Variants in KIF13A observed in about 807,000 individuals in gnomAD.
KIF13A encodes the protein kinesin family member 13A, also known as kinesin-like protein KIF13A.
Under a neutral mutation model 212.2 loss-of-function variants are expected in KIF13A, and 79 were observed. The observed-to-expected ratio is 0.37, with a 90% CI of 0.31 to 0.45. The LOEUF (loss-of-function observed/expected upper bound fraction) is 0.45, where lower values mean the gene tolerates loss of function less well. KIF13A is among the 20% of genes least tolerant of loss of function. The pLI is 1.00. For missense variants in KIF13A, 1,901 were observed against 2,209.0 expected, an observed-to-expected ratio of 0.86 and a Z score of 2.79; for synonymous variants, 789 against 808.6, an observed-to-expected ratio of 0.98 and a Z score of 0.41.
intron 16 of KIF13A, among the ~76,000 whole-genome samples, chr6:17,819,614 C>G (rs1581411943): frequency 1.0e-5 from 1 of 99,802 alleles, no homozygotes; most frequent in Admixed American, 9.3e-5. Context: ...AACCAAAAAA[C>G]AAACAAAAAA....
chr6:17,888,621 C>T lies in KIF13A; in HGVS notation c.159+9547G>A, dbSNP rs947798524. On this transcript the variant is annotated intron_variant, in intron 3 of 38. Coordinates refer to ENST00000259711, the MANE Select transcript of KIF13A (RefSeq NM_022113.6). This position sits in a 1 kb window ranked among gnomAD's most constrained non-coding sequence, Gnocchi z 4.8. Reference sequence around the variant, plus strand: ...GGCAGATCACTTGAGGCCGGGAGTTCGAGACCAGCTTGGCCAACATGGTGA... The same window carrying T: ...GGCAGATCACTTGAGGCCGGGAGTTTGAGACCAGCTTGGCCAACATGGTGA... Among the ~76,000 whole-genome samples the T allele has an allele frequency of 6.6e-6, 1 of 152,136 alleles. No homozygotes were observed. The highest frequency in any genetic ancestry group is 1.5e-5 in the Non-Finnish European group (1 of 68,040).
intron 17 of KIF13A, among the ~76,000 whole-genome samples, chr6:17,815,989 C>T (rs1763905166): frequency 6.6e-6 from 1 of 150,710 alleles, no homozygotes; most frequent in African/African-American, 2.4e-5. Context: ...CTTACTGTAA[C>T]CATTGCCTCC....
chr6:17,799,304 T>C lies in KIF13A; in HGVS notation c.2752A>G (p.Lys918Glu). 1.2e-6 allele frequency: 2 copies of C among 1,613,292 alleles called. No individual in the cohort carries two copies. The highest frequency in any genetic ancestry group is 1.7e-6 in the Non-Finnish European group (2 of 1,179,596). ...AAGGTCACTGTGTACTGGGCATCCT[T>C]GGACTGTGGTGAAGGCACCTCGGGG... ...VDPEVPSPQS[K>E]DAQYTVTFSH... Residue 918 changes from lysine to glutamate, a missense_variant, in exon 22 of 39, where the codon AAG becomes GAG. Transcript: ENST00000259711. This position sits in a 1 kb window ranked among gnomAD's most constrained non-coding sequence, Gnocchi z 4.4.
Position 17,800,161 on chromosome 6 carries a change from G to T in KIF13A, c.2455-48C>A, listed in dbSNP as rs139390641. 2.4e-5 allele frequency: 38 copies of T among 1,573,112 alleles called. No homozygotes were observed. The African/African-American group carries it at 4.0e-4, about 17-fold the overall frequency. On this transcript the variant is annotated intron_variant, in intron 20 of 38. Transcript: ENST00000259711. ...CTTAGAGTGAACAGACATCCTGTGG[G>T]CAACCTCGACCCAAGACAGACGTGC...
At chr6:17,766,219 G>GATTGATTGATTGATTTATTT (rs1554158989) in intron 38 of KIF13A, among the ~76,000 whole-genome samples, 1 of 144,656 alleles carries the variant, frequency 6.9e-6, no homozygotes, top group African/African-American at 2.6e-5. Context: ...TTATTTTTAA[G>GATTGATTGATTGATTTATTT]ATTTATTTAT....
At chr6:17,972,833 G>GAAA (rs34095609) in intron 2 of KIF13A, among the ~76,000 whole-genome samples, 7 of 113,284 alleles carry the variant, frequency 6.2e-5, no homozygotes, top group Admixed American at 9.4e-5. Flanking sequence ...GAGAGAGTGA[G>GAAA]AAAAAAAAAA....
chr6:17,830,424 C>T (rs1381239480), intron 13 of KIF13A, among the ~76,000 whole-genome samples: 1 of 151,942 alleles, frequency 6.6e-6, no homozygotes. Flanking sequence ...ACGGATATAA[C>T]CCAGACACAT....
intron 2 of KIF13A, 75 bp downstream of exon 2, chr6:17,986,979 C>T (rs1781620322): frequency 9.5e-7 from 1 of 1,055,542 alleles, no homozygotes; most frequent in Middle Eastern, 2.0e-4. Flanking sequence ...AAGAGCACTC[C>T]CATTTTCCTG....
chr6:17,762,427 G>A (rs11758897), downstream of KIF13A, among the ~76,000 whole-genome samples: 937 of 152,124 alleles, frequency 6.2e-3, 5 homozygotes, highest in Middle Eastern at 0.014. Flanking sequence ...AGCCAGGCTG[G>A]TCTCGAACTC....
intron 20 of KIF13A, among the ~76,000 whole-genome samples, chr6:17,803,450 C>A (rs1401583100): frequency 1.3e-5 from 2 of 152,144 alleles, no homozygotes; most frequent in East Asian, 3.8e-4. Flanking sequence ...TATATCGCAG[C>A]TTCACTTTGG....
intron 13 of KIF13A, among the ~76,000 whole-genome samples, chr6:17,830,459 CTT>C (rs59573286): frequency 0.25 from 38,227 of 151,942 alleles, 5,240 homozygotes; most frequent in South Asian, 0.38. Context: ...GTCCTTGATA[CTT>C]TTTTTAAGAG....
Position 17,947,623 on chromosome 6 carries a change from G to C in KIF13A, c.146+39431C>G, listed in dbSNP as rs941476452. Among the ~76,000 whole-genome samples, 5 of 152,126 alleles carry C rather than the reference G, an allele frequency of 3.3e-5. No homozygotes were observed. Among genetic ancestry groups the C allele is most frequent in the African/African-American group, 1.2e-4 (5 of 41,424 alleles). ...GTGGGTGGATCACCTGAGGTCAGGA[G>C]TTTGAGACCAGCCGACCAGCCTGGG... On this transcript the variant is annotated intron_variant, in intron 2 of 38. Transcript: ENST00000259711. This position sits in a 1 kb window ranked among gnomAD's most constrained non-coding sequence, Gnocchi z 4.6.
intron 2 of KIF13A, among the ~76,000 whole-genome samples, chr6:17,980,026 G>C (rs1780919886): frequency 6.6e-6 from 1 of 152,016 alleles, no homozygotes; most frequent in Non-Finnish European, 1.5e-5. Flanking sequence ...TCTTATTAAT[G>C]AACTAATTCA....
chr6:17,975,434 T>C (rs1561827256), intron 2 of KIF13A, among the ~76,000 whole-genome samples: 1 of 152,190 alleles, frequency 6.6e-6, no homozygotes, highest in Non-Finnish European at 1.5e-5. Context: ...GTTCGTGATC[T>C]CGCTAGCTTA....
intron 3 of KIF13A, among the ~76,000 whole-genome samples, chr6:17,890,292 A>G (rs1165253213): frequency 6.6e-6 from 1 of 151,970 alleles, no homozygotes; most frequent in Non-Finnish European, 1.5e-5. Context: ...GAAAAAAAGG[A>G]GGAAGAATTC....
In KIF13A at chr6:17,850,706, T is replaced by G. The variant is rs1767556740; in HGVS notation, c.583-249A>C. 6.6e-6 allele frequency among the ~76,000 whole-genome samples: 1 copy of G among 152,148 alleles called. No individual in the cohort carries two copies. The highest frequency in any genetic ancestry group is 1.9e-4 in the East Asian group (1 of 5,192). On this transcript the variant is annotated intron_variant, in intron 7 of 38. Transcript: ENST00000259711. This position sits in a 1 kb window ranked among gnomAD's most constrained non-coding sequence, Gnocchi z 6.2. ...TTCTTTCTCAGTTGAGTCCCTATTT[T>G]CTCCTTTTTGGGTTCCTGGGATAGC...
At chr6:17,804,287 T>C in intron 20 of KIF13A, 74 bp downstream of exon 20, 2 of 1,353,540 alleles carry the variant, frequency 1.5e-6, no homozygotes, top group Non-Finnish European at 9.8e-7. Context: ...ATAGCTTAAA[T>C]AGAATGAAAA....
At position 17,987,591 on chromosome 6, in the gene KIF13A, G is replaced by C. The variant is rs1403176186; in HGVS notation, c.-128C>G. 5.1e-5 allele frequency: 19 copies of C among 372,112 alleles called. No individual in the cohort carries two copies. The highest frequency in any genetic ancestry group is 7.0e-5 in the Non-Finnish European group (19 of 272,792). 23.1% of individuals were successfully genotyped at this position (372,112 alleles called of 1,614,324 possible). ...CCGCCGCCGCTCCGCCGTGAGCTCC[G>C]AGAGGCAGCGCCGAGGCGCGCGGGC... On this transcript the variant is annotated 5_prime_UTR_variant, in exon 1 of 39. Coordinates refer to ENST00000259711, the MANE Select transcript of KIF13A (RefSeq NM_022113.6). The surrounding 1 kb of genome is among the most constrained non-coding windows in gnomAD (Gnocchi z 7.7).
chr6:17,824,697 C>T (rs1764788245), intron 16 of KIF13A, among the ~76,000 whole-genome samples: 1 of 140,736 alleles, frequency 7.1e-6, no homozygotes, highest in African/African-American at 2.6e-5. Context: ...GGAGGTGGAG[C>T]TTGCAGTGAA....
Sources: gnomAD v4.1 joint callset for allele counts (sites outside exome capture counted in the v4.1 genomes callset) on GRCh38, gnomAD v4.1.1 for gene constraint, Gnocchi (gnomAD v3.1) non-coding constraint, MANE v1.5 for transcripts, NCBI Gene and HGNC (gene_info 2026-07-23, HGNC 2026-07-21) for gene names.